Variants in CCDC73 observed in about 807,000 individuals in gnomAD.
CCDC73 encodes coiled-coil domain containing 73, also known as coiled-coil domain-containing protein 73.
Under a neutral mutation model 116.5 loss-of-function variants are expected in CCDC73, and 95 were observed. The ratio of observed to expected loss-of-function variants is 0.82; its 90% CI spans 0.69 to 0.97. CCDC73 has a LOEUF of 0.97. Ranked by LOEUF, CCDC73 falls within the 50% of genes least tolerant of loss-of-function variation. The pLI is 0.00. For missense variants in CCDC73, 1,066 were observed against 1,206.8 expected (o/e 0.88, Z 1.73); for synonymous variants, 398 against 401.3 (o/e 0.99, Z 0.10).
intron 2 of CCDC73, among the ~76,000 whole-genome samples, chr11:32,737,533 A>G (rs1850145746): frequency 6.6e-6 from 1 of 151,354 alleles, no homozygotes; most frequent in Non-Finnish European, 1.5e-5. Context: ...CACGAGAATC[A>G]CTTGAATCTG....
intron 2 of CCDC73, among the ~76,000 whole-genome samples, chr11:32,751,506 A>C (rs550944887): frequency 6.6e-6 from 1 of 152,228 alleles, no homozygotes; most frequent in South Asian, 2.1e-4. Context: ...GGGATGGGTC[A>C]TTCGCCTCTG....
At chr11:32,772,141 T>C (rs747327963) in intron 1 of CCDC73, among the ~76,000 whole-genome samples, 1 of 152,174 alleles carries the variant, frequency 6.6e-6, no homozygotes, top group African/African-American at 2.4e-5. Flanking sequence ...TTTTAAACCA[T>C]TAAGTTGGAG....
chr11:32,732,254 A>T (rs1304836831), intron 2 of CCDC73, among the ~76,000 whole-genome samples: 1 of 152,226 alleles, frequency 6.6e-6, no homozygotes, highest in East Asian at 1.9e-4. Context: ...ACCTCCAAGA[A>T]ATATGGGACT....
At chr11:32,806,694 A>T in the CCDC73 span, among the ~76,000 whole-genome samples, 2 of 151,982 alleles carry the variant, frequency 1.3e-5, no homozygotes, top group African/African-American at 4.8e-5. Flanking sequence ...GACTTCTTTC[A>T]GGTGGTTAGC....
chr11:32,674,932 G>C (rs1396909008), intron 9 of CCDC73, among the ~76,000 whole-genome samples: 3 of 152,126 alleles, frequency 2.0e-5, no homozygotes, highest in Admixed American at 1.3e-4. Context: ...TGATGCTCCA[G>C]CCATATCAGA....
intron 3 of CCDC73, among the ~76,000 whole-genome samples, chr11:32,712,435 A>T (rs1488407614): frequency 6.6e-6 from 1 of 152,182 alleles, no homozygotes; most frequent in Non-Finnish European, 1.5e-5. Context: ...ACTATAAAAA[A>T]ATAAGCATTG....
intron 14 of CCDC73, among the ~76,000 whole-genome samples, chr11:32,631,332 T>G (rs1467898072): frequency 6.6e-6 from 1 of 152,078 alleles, no homozygotes; most frequent in Non-Finnish European, 1.5e-5. Context: ...GATAATACAC[T>G]TGGCCAAAAA....
Position 32,611,157 on chromosome 11 carries a change from TAA to T in CCDC73, c.3003_3004del (p.Phe1001LeufsTer2). The stretch of plus-strand genomic sequence containing the variant: ...ATGTTCTGTGGGAAAAGAGGAATCA[TAA>T]AAAGTCTTTGCCATTGCATTCTTCT... On this transcript the variant is annotated frameshift_variant, in exon 17 of 18. Coordinates refer to ENST00000335185, the MANE Select transcript of CCDC73 (RefSeq NM_001008391.4). LOFTEE classifies it low-confidence loss of function (END_TRUNC). The T allele has an allele frequency of 2.5e-6, 4 of 1,613,930 alleles. No homozygotes were observed. The highest frequency in any genetic ancestry group is 3.4e-6 in the Non-Finnish European group (4 of 1,179,884).
chr11:32,811,598 C>T, the CCDC73 span, among the ~76,000 whole-genome samples: 3 of 152,066 alleles, frequency 2.0e-5, no homozygotes, highest in African/African-American at 7.2e-5. Context: ...ATGGCACCAG[C>T]ATCTGCTTCA....
intron 14 of CCDC73, among the ~76,000 whole-genome samples, chr11:32,629,499 C>T (rs1273763602): frequency 6.6e-6 from 1 of 151,470 alleles, no homozygotes; most frequent in Non-Finnish European, 1.5e-5. Context: ...CTCCCGGGTT[C>T]AAGCGTTCTC....
chr11:32,761,712 G>T (rs1021431260), intron 1 of CCDC73, among the ~76,000 whole-genome samples: 1 of 152,122 alleles, frequency 6.6e-6, no homozygotes, highest in Non-Finnish European at 1.5e-5. Flanking sequence ...ATGGGGGGGT[G>T]TATGTATATA....
intron 6 of CCDC73, among the ~76,000 whole-genome samples, chr11:32,696,624 C>T (rs1426143084): frequency 6.6e-6 from 1 of 151,876 alleles, no homozygotes; most frequent in African/African-American, 2.4e-5. Flanking sequence ...TTTGTACAGA[C>T]GCGGTTTTGC....
At chr11:32,773,034 T>C (rs939407038) in intron 1 of CCDC73, among the ~76,000 whole-genome samples, 3 of 152,166 alleles carry the variant, frequency 2.0e-5, no homozygotes, top group African/African-American at 7.2e-5. Flanking sequence ...GCCTATCAAC[T>C]GGTGAATGGA....
At chr11:32,699,474 C>T in intron 5 of CCDC73, 149 bp from the exon 6 acceptor site, 1 of 1,059,652 alleles carries the variant, frequency 9.4e-7, no homozygotes, top group Non-Finnish European at 1.2e-6. Flanking sequence ...AATATAAGAG[C>T]TCAAGAACCA....
intron 7 of CCDC73, among the ~76,000 whole-genome samples, chr11:32,677,604 G>A (rs979875495): frequency 6.6e-6 from 1 of 152,082 alleles, no homozygotes; most frequent in African/African-American, 2.4e-5. Flanking sequence ...GATTGTGAAT[G>A]CCTCCCCTAA....
intron 3 of CCDC73, among the ~76,000 whole-genome samples, chr11:32,711,828 C>G (rs1345648745): frequency 6.6e-6 from 1 of 152,122 alleles, no homozygotes; most frequent in East Asian, 1.9e-4. Context: ...AAGCTTTCTA[C>G]CTATTTGTAC....
chr11:32,635,166 T>G (rs1370506430), intron 14 of CCDC73, among the ~76,000 whole-genome samples: 1 of 91,198 alleles, frequency 1.1e-5, no homozygotes, highest in East Asian at 2.0e-4. Flanking sequence ...ACTGGAAGAC[T>G]CAATGCCAAA....
chr11:32,674,248 G>A (rs1214985253), intron 9 of CCDC73, among the ~76,000 whole-genome samples: 1 of 152,158 alleles, frequency 6.6e-6, no homozygotes, highest in Admixed American at 6.5e-5. Context: ...AATATTTATG[G>A]AGTGCCAGTA....
intron 1 of CCDC73, among the ~76,000 whole-genome samples, chr11:32,762,058 C>T (rs186280560): frequency 9.5e-4 from 144 of 152,256 alleles, no homozygotes; most frequent in African/African-American, 3.4e-3. Flanking sequence ...CCATAAAATA[C>T]CTTCACAACA....
Sources: allele counts gnomAD v4.1 joint callset (sites outside exome capture counted in the v4.1 genomes callset), GRCh38; gene constraint gnomAD v4.1.1; transcripts MANE v1.5; gene names NCBI Gene and HGNC (gene_info 2026-07-23, HGNC 2026-07-21).